The following IP6K3 variants were observed in gnomAD, a reference collection of about 807,000 sequenced individuals.
The protein encoded by IP6K3 is inositol hexakisphosphate kinase 3.
Under a neutral mutation model 28.8 loss-of-function variants are expected in IP6K3, and 20 were observed. The observed-to-expected ratio is 0.70, with a 90% CI of 0.49 to 1.01. The LOEUF is 1.01. Ranked by LOEUF, IP6K3 falls within the 50% of genes least tolerant of loss-of-function variation. The pLI is 0.00. For missense variants in IP6K3, 480 were observed against 537.1 expected, an observed-to-expected ratio of 0.89 and a Z score of 1.05; for synonymous variants, 213 against 221.3, an observed-to-expected ratio of 0.96 and a Z score of 0.33.
At chr6:33,729,301 T>G (rs1766235647) in intron 2 of IP6K3, among the ~76,000 whole-genome samples, 1 of 152,206 alleles carries the variant, frequency 6.6e-6, no homozygotes, top group Non-Finnish European at 1.5e-5. Flanking sequence ...ATGGCCACCC[T>G]TGTGGTTTTG....
At chr6:33,750,188 T>C, upstream of IP6K3, among the ~76,000 whole-genome samples, 1 of 152,218 alleles carries the variant, frequency 6.6e-6, no homozygotes, top group African/African-American at 2.4e-5. This position sits in a 1 kb window ranked among gnomAD's most constrained non-coding sequence, Gnocchi z 4.3. Context: ...TGGCCCACCA[T>C]GTGGTCATGG....
At chr6:33,749,045 A>G (rs1582235879), upstream of IP6K3, among the ~76,000 whole-genome samples, 1 of 151,032 alleles carries the variant, frequency 6.6e-6, no homozygotes, top group South Asian at 2.1e-4. Flanking sequence ...GCCCTGCGCC[A>G]CCTCTCCTCT....
At chr6:33,759,638 T>C in the IP6K3 span, among the ~76,000 whole-genome samples, 1 of 151,916 alleles carries the variant, frequency 6.6e-6, no homozygotes, top group Non-Finnish European at 1.5e-5. Flanking sequence ...CCAAGGCAGG[T>C]GGATCATGAG....
At chr6:33,756,389 G>T in the IP6K3 span, among the ~76,000 whole-genome samples, 1 of 152,098 alleles carries the variant, frequency 6.6e-6, no homozygotes. Context: ...AAGTGCAAAG[G>T]CCCAGGGGCA....
intron 2 of IP6K3, among the ~76,000 whole-genome samples, chr6:33,730,273 G>A (rs1766273204): frequency 6.6e-6 from 1 of 152,194 alleles, no homozygotes; most frequent in South Asian, 2.1e-4. Flanking sequence ...TATCAGGGCT[G>A]CTCTATAATT....
At chr6:33,736,806 T>C (rs1422089821) in intron 1 of IP6K3, among the ~76,000 whole-genome samples, 1 of 152,200 alleles carries the variant, frequency 6.6e-6, no homozygotes, top group Non-Finnish European at 1.5e-5. Context: ...TACTGAACTT[T>C]TCTGGGCCTC....
At chr6:33,732,604 G>A (rs1766358318) in intron 2 of IP6K3, among the ~76,000 whole-genome samples, 1 of 152,180 alleles carries the variant, frequency 6.6e-6, no homozygotes, top group South Asian at 2.1e-4. Context: ...AGACCTCAGG[G>A]CTTGGAATCC....
intron 1 of IP6K3, among the ~76,000 whole-genome samples, chr6:33,740,312 TCTGTGTCCTCCTGCC>T (rs1302766888): frequency 6.6e-6 from 1 of 152,236 alleles, no homozygotes; most frequent in African/African-American, 2.4e-5. Flanking sequence ...GCCCCAGGTC[TCTGTGTCCTCCTGCC>T]CTGTCGTTGC....
chr6:33,732,927 G>C (rs1480481237), intron 2 of IP6K3, among the ~76,000 whole-genome samples: 2 of 152,220 alleles, frequency 1.3e-5, no homozygotes, highest in Non-Finnish European at 2.9e-5. Flanking sequence ...CCTGAGTCCT[G>C]GTTCTGGGCC....
At chr6:33,737,011 G>C (rs1346736841) in intron 1 of IP6K3, among the ~76,000 whole-genome samples, 1 of 152,194 alleles carries the variant, frequency 6.6e-6, no homozygotes, top group African/African-American at 2.4e-5. Context: ...TGTAGGACAG[G>C]CAGGCCACTT....
rs1766498534 is a variant in IP6K3, at chr6:33,735,645, A to T, written c.-169T>A. ...GTTGTCCTCCTGTCTGTGGGTTCTC[A>T]GCGGGGTCCTCTGGAAAGCAGGGGA... On this transcript the variant is annotated 5_prime_UTR_variant, in exon 2 of 6. Transcript: ENST00000293756. 1 of 1,427,772 alleles carries T rather than the reference A, an allele frequency of 7.0e-7. No individual in the cohort carries two copies. Among genetic ancestry groups the T allele is most frequent in the East Asian group, 2.5e-5 (1 of 39,420 alleles). The allele number at this position is 1,427,772 out of a possible 1,614,324, so 88.4% of individuals were successfully genotyped here. A position where few individuals can be genotyped will look rare whatever the true frequency, so the allele number is the denominator to read the frequency against.
intron 2 of IP6K3, 79 bp downstream of exon 2, chr6:33,735,199 G>A: frequency 8.2e-7 from 1 of 1,217,880 alleles, no homozygotes; most frequent in Non-Finnish European, 1.2e-6. Flanking sequence ...CACACCACAG[G>A]AGGACGTGGT....
upstream of IP6K3, among the ~76,000 whole-genome samples, chr6:33,750,106 A>G (rs1272412804): frequency 6.6e-6 from 1 of 151,994 alleles, no homozygotes; most frequent in Non-Finnish European, 1.5e-5. The surrounding 1 kb of genome is among the most constrained non-coding windows in gnomAD (Gnocchi z 4.3). Flanking sequence ...ATCCATCACT[A>G]TGTCCTGTGG....
At chr6:33,734,239 C>G (rs977518831) in intron 2 of IP6K3, among the ~76,000 whole-genome samples, 1 of 150,884 alleles carries the variant, frequency 6.6e-6, no homozygotes, top group Admixed American at 6.6e-5. Flanking sequence ...AATTCCTGAC[C>G]CTCACCCCAA....
At chr6:33,748,955 T>C (rs565204212), upstream of IP6K3, among the ~76,000 whole-genome samples, 63 of 152,278 alleles carry the variant, frequency 4.1e-4, no homozygotes, top group African/African-American at 1.4e-3. Flanking sequence ...TCTTGTGTGC[T>C]CTGTCCCTCC....
intron 4 of IP6K3, 33 bp from the exon 5 acceptor site, chr6:33,725,649 A>T: frequency 6.3e-7 from 1 of 1,579,922 alleles, no homozygotes; most frequent in South Asian, 1.1e-5. Context: ...GGCTCTGAGG[A>T]CTTCAGAACT....
chr6:33,734,176 C>A (rs1766421239), intron 2 of IP6K3, among the ~76,000 whole-genome samples: 1 of 145,718 alleles, frequency 6.9e-6, no homozygotes. Flanking sequence ...GCACTCCAGC[C>A]TGGGCAACAA....
chr6:33,742,955 G>C lies in IP6K3; in HGVS notation c.-180+3803C>G, dbSNP rs1232712194. The stretch of plus-strand genomic sequence containing the variant: ...GAGTGTGTGTACAGGGAGCAATAGG[G>C]AAGGGCAAGGAGATGGTGGGAGGCG... On this transcript the variant is annotated intron_variant, in intron 1 of 5. Transcript: ENST00000293756. This position sits in a 1 kb window ranked among gnomAD's most constrained non-coding sequence, Gnocchi z 4.5. Among the ~76,000 whole-genome samples the C allele has an allele frequency of 6.6e-6, 1 of 152,138 alleles. No individual in the cohort carries two copies. Among genetic ancestry groups the C allele is most frequent in the South Asian group, 2.1e-4 (1 of 4,832 alleles).
the IP6K3 span, among the ~76,000 whole-genome samples, chr6:33,752,762 T>C: frequency 6.6e-6 from 1 of 152,180 alleles, no homozygotes; most frequent in African/African-American, 2.4e-5. Flanking sequence ...CACTCTGCCA[T>C]TTCCTGGTGA....
Sources: allele counts gnomAD v4.1 joint callset (sites outside exome capture counted in the v4.1 genomes callset), GRCh38; gene constraint gnomAD v4.1.1; non-coding constraint Gnocchi (gnomAD v3.1); transcripts MANE v1.5; gene names NCBI Gene and HGNC (gene_info 2026-07-23, HGNC 2026-07-21).